CCDC88C: variants seen among roughly 807,000 people sequenced by gnomAD.
CCDC88C encodes the protein coiled-coil and HOOK domain protein 88C, also known as protein Daple.
CCDC88C carries 131 observed loss-of-function variants against 198.8 expected under a neutral mutation model. The observed-to-expected ratio is 0.66, with a 90% CI of 0.57 to 0.76. The LOEUF is 0.76. Ranked by LOEUF, CCDC88C falls within the 30% of genes least tolerant of loss-of-function variation. The probability of loss-of-function intolerance (pLI) is 0.00; values close to 1 mark genes in which losing one functional copy is unlikely to be tolerated. For missense variants in CCDC88C, 2,553 were observed against 2,631.6 expected (o/e 0.97, Z 0.65); for synonymous variants, 1,166 against 1,114.7 (o/e 1.05, Z -0.92).
chr14:91,286,779 C>A (rs1331862096), intron 25 of CCDC88C, among the ~76,000 whole-genome samples: 1 of 152,216 alleles, frequency 6.6e-6, no homozygotes, highest in African/African-American at 2.4e-5. Flanking sequence ...CAGTTAAGTG[C>A]ATGCAGTTAA....
chr14:91,278,334 AC>A, intron 28 of CCDC88C, 123 bp from the exon 29 acceptor site: 1 of 949,454 alleles, frequency 1.1e-6, no homozygotes, highest in Non-Finnish European at 1.5e-6. Context: ...TTGCCCGAAA[AC>A]CCAGGGCTTA....
intron 2 of CCDC88C, among the ~76,000 whole-genome samples, chr14:91,412,528 G>A (rs1383765215): frequency 7.9e-5 from 12 of 151,788 alleles, no homozygotes; most frequent in South Asian, 2.1e-4. Flanking sequence ...TCTGCCTCCC[G>A]GGTTCATGCC....
At chr14:91,312,778 A>G (rs2139802969) in intron 15 of CCDC88C, among the ~76,000 whole-genome samples, 1 of 149,342 alleles carries the variant, frequency 6.7e-6, no homozygotes, top group East Asian at 1.9e-4. Flanking sequence ...AAACCACAAC[A>G]TAATTAATAA....
At chr14:91,279,541 C>A in intron 27 of CCDC88C, 1 of 410,324 alleles carries the variant, frequency 2.4e-6, no homozygotes, top group Non-Finnish European at 4.4e-6. Flanking sequence ...TGCTTATCTA[C>A]ATTTATGAGG....
intron 3 of CCDC88C, chr14:91,379,832 C>T: frequency 1.4e-6 from 1 of 703,056 alleles, no homozygotes; most frequent in Non-Finnish European, 2.6e-6. Context: ...AATGCGAAAA[C>T]TCAAACGCTG....
rs547639840 is a variant in CCDC88C, at chr14:91,393,682, C to T, written c.270+14977G>A. Among the ~76,000 whole-genome samples, 11 of 152,268 alleles carry T rather than the reference C, an allele frequency of 7.2e-5. No individual in the cohort carries two copies. In the East Asian group the frequency reaches 2.1e-3, roughly 29 times the overall value. The stretch of plus-strand genomic sequence containing the variant: ...CAGCCTGTCCAACATGGTGAAACCC[C>T]ATCTCTACTAAAAAATACCAAATTA... On this transcript the variant is annotated intron_variant, in intron 3 of 29. Transcript: ENST00000389857.
chr14:91,300,146 C>G, intron 20 of CCDC88C, 76 bp from the exon 21 acceptor site: 2 of 1,537,392 alleles, frequency 1.3e-6, no homozygotes, highest in South Asian at 2.4e-5. Flanking sequence ...CCCAGAGGAT[C>G]TGCGTGCCTC....
intron 2 of CCDC88C, among the ~76,000 whole-genome samples, chr14:91,416,393 G>C (rs1037935291): frequency 1.3e-5 from 2 of 152,118 alleles, no homozygotes; most frequent in Admixed American, 1.3e-4. Flanking sequence ...GACACTCTCC[G>C]TTACAGTTCC....
At chr14:91,414,876 C>T (rs188048360) in intron 2 of CCDC88C, among the ~76,000 whole-genome samples, 31 of 152,276 alleles carry the variant, frequency 2.0e-4, no homozygotes, top group Admixed American at 9.2e-4. Flanking sequence ...CACCCCACAC[C>T]ACCCCGGCCG....
intron 3 of CCDC88C, 50 bp from the exon 4 acceptor site, chr14:91,359,761 T>C: frequency 6.7e-7 from 1 of 1,498,664 alleles, no homozygotes; most frequent in Non-Finnish European, 9.2e-7. Flanking sequence ...GAAACAAAAA[T>C]AAAGAGGGAT....
chr14:91,341,104 CCTT>C (rs1893291945), intron 6 of CCDC88C, among the ~76,000 whole-genome samples: 1 of 152,208 alleles, frequency 6.6e-6, no homozygotes, highest in African/African-American at 2.4e-5. Context: ...AGAGACACCA[CCTT>C]CTTACCTCTC....
At chr14:91,357,291 G>A (rs940788436) in intron 4 of CCDC88C, among the ~76,000 whole-genome samples, 6 of 152,130 alleles carry the variant, frequency 3.9e-5, no homozygotes, top group African/African-American at 7.2e-5. Flanking sequence ...CTTGCCTGTC[G>A]TCCAGGCTGG....
Position 91,357,997 on chromosome 14 carries a change from C to T in CCDC88C, c.340+1645G>A, listed in dbSNP as rs756397586. Among the ~76,000 whole-genome samples, 17 of 152,296 alleles carry T rather than the reference C, an allele frequency of 1.1e-4. 1 individual carries two copies. The highest frequency in any genetic ancestry group is 7.7e-4 in the East Asian group (4 of 5,178). On this transcript the variant is annotated intron_variant, in intron 4 of 29. Coordinates refer to ENST00000389857, the MANE Select transcript of CCDC88C (RefSeq NM_001080414.4). ...GCCTCTGCAGGGTCTCCATGTAAGG[C>T]GGTGAGTGCCCACAGGCCAGAGCAC...
chr14:91,357,288 G>A (rs1894078815), intron 4 of CCDC88C, among the ~76,000 whole-genome samples: 1 of 152,248 alleles, frequency 6.6e-6, no homozygotes, highest in African/African-American at 2.4e-5. Flanking sequence ...AGTCTTGCCT[G>A]TCGTCCAGGC....
intron 3 of CCDC88C, among the ~76,000 whole-genome samples, chr14:91,392,104 G>A (rs1159008078): frequency 1.3e-5 from 2 of 152,104 alleles, no homozygotes; most frequent in African/African-American, 4.8e-5. Flanking sequence ...CTCCAGGGTA[G>A]CAGCTCCCAT....
rs780168486 is a variant in CCDC88C at position 91,289,185 on chromosome 14, T to A, written c.4361A>T (p.Gln1454Leu). 2 of 1,613,912 alleles carry A rather than the reference T, an allele frequency of 1.2e-6. No individual in the cohort carries two copies. The highest frequency in any genetic ancestry group is 3.3e-5 in the Admixed American group (2 of 60,026). ...SPAASQPLRS[Q>L]AENPDTPALG... is the part of the protein sequence containing the mutation. The stretch of plus-strand genomic sequence containing the variant: ...TGCGGGGGTGTCGGGGTTCTCGGCC[T>A]GTGATCTGAGCGGCTGAGAGGCCGC... Residue 1454 changes from glutamine (Q) to leucine (L), a missense_variant, in exon 25 of 30, where the codon CAG becomes CTG. Gln to Leu is a moderately radical substitution (Grantham distance 113, BLOSUM62 -2). Transcript: ENST00000389857.
At chr14:91,336,378 C>T (rs1349967800) in intron 10 of CCDC88C, among the ~76,000 whole-genome samples, 2 of 152,202 alleles carry the variant, frequency 1.3e-5, no homozygotes, top group African/African-American at 4.8e-5. Flanking sequence ...CCCTCCTCCA[C>T]AAATCAGGGT....
chr14:91,303,657 G>A (rs1891427864), intron 20 of CCDC88C, 44 bp downstream of exon 20: 7 of 1,509,476 alleles, frequency 4.6e-6, no homozygotes, highest in Non-Finnish European at 6.2e-6. Context: ...CCTCTCCTCT[G>A]GACTCTACCC....
intron 15 of CCDC88C, 125 bp from the exon 16 acceptor site, chr14:91,310,111 G>A: frequency 1.0e-6 from 1 of 963,952 alleles, no homozygotes; most frequent in Non-Finnish European, 1.5e-6. Context: ...TGTGGAGCGA[G>A]GGGACTCTGA....
Sources: gnomAD v4.1 joint callset for allele counts (sites outside exome capture counted in the v4.1 genomes callset) on GRCh38, gnomAD v4.1.1 for gene constraint, MANE v1.5 for transcripts, NCBI Gene and HGNC (gene_info 2026-07-23, HGNC 2026-07-21) for gene names.